PNLIP: variants seen among roughly 807,000 people sequenced by gnomAD.
The protein encoded by PNLIP is pancreatic lipase, also known as pancreatic triacylglycerol lipase.
Under a neutral mutation model 57.1 loss-of-function variants are expected in PNLIP, and 49 were observed. The observed-to-expected ratio is 0.86, with a 90% CI of 0.68 to 1.09. The LOEUF is 1.09. Among genes scored for constraint, PNLIP ranks in the 50% least tolerant of loss-of-function variants. The pLI, the probability that PNLIP is intolerant of heterozygous loss-of-function variation, is 0.00. For synonymous variants in PNLIP, 209 were observed against 200.4 expected (o/e 1.04, Z -0.36); for missense variants, 503 against 570.2 (o/e 0.88, Z 1.20).
In PNLIP at chr10:116,548,383, C is replaced by A; in HGVS notation, c.225C>A (p.Ser75Arg). 6.2e-7 allele frequency: 1 copy of A among 1,613,962 alleles called. No individual in the cohort carries two copies. Among genetic ancestry groups the A allele is most frequent in the Admixed American group, 1.7e-5 (1 of 60,014 alleles). ...AGGAAGTTGCCGCAGATTCATCAAG[C>A]ATCAGTGGCTCCAATTTCAAAACAA... ...NFQEVAADSS[S>R]ISGSNFKTNR... The change falls in exon 4 of 13, where the codon AGC becomes AGA. Residue 75 changes from serine (S) to arginine (R), a missense_variant. Physicochemically the swap from Ser to Arg is moderately radical, Grantham distance 110. Transcript: ENST00000369221.
chr10:116,552,433 G>A (rs984066217), intron 5 of PNLIP, among the ~76,000 whole-genome samples: 2 of 152,054 alleles, frequency 1.3e-5, no homozygotes, highest in Non-Finnish European at 2.9e-5. Context: ...GCTAATGCAG[G>A]TGTTTGTGTC....
chr10:116,558,952 G>A (rs569947069), intron 9 of PNLIP, among the ~76,000 whole-genome samples: 1 of 152,292 alleles, frequency 6.6e-6, no homozygotes, highest in South Asian at 2.1e-4. Context: ...GTATTGTGTT[G>A]TTTGACAGTG....
Position 116,555,289 on chromosome 10 carries a change from C to G in PNLIP, c.683C>G (p.Pro228Arg). Residue 228 changes from proline to arginine, a missense_variant, in exon 7 of 13, where the codon CCC (proline) becomes CGC (arginine). By Grantham distance (103) the Pro-to-Arg change is moderately radical. Transcript: ENST00000369221. The part of the protein sequence containing the change: ...VIHTDGAPIV[P>R]NLGFGMSQVV... Reference sequence around the variant, plus strand: ...CACACGGATGGTGCCCCCATAGTCCCCAATTTGGGTGAGTTCCTCAACCCG... The same window carrying G: ...CACACGGATGGTGCCCCCATAGTCCGCAATTTGGGTGAGTTCCTCAACCCG... The G allele has an allele frequency of 6.2e-7, 1 of 1,614,114 alleles. No homozygotes were observed. The highest frequency in any genetic ancestry group is 8.5e-7 in the Non-Finnish European group (1 of 1,180,022).
chr10:116,565,797 T>A (rs1299111302), intron 12 of PNLIP, among the ~76,000 whole-genome samples: 1 of 151,644 alleles, frequency 6.6e-6, no homozygotes, highest in Admixed American at 6.6e-5. Flanking sequence ...ACAAAAGATT[T>A]GTACATGAAT....
At chr10:116,558,619 A>G (rs2133205447) in intron 9 of PNLIP, among the ~76,000 whole-genome samples, 1 of 151,268 alleles carries the variant, frequency 6.6e-6, no homozygotes, top group African/African-American at 2.4e-5. Context: ...ATATTCTCTC[A>G]TTGTATGATT....
At position 116,559,135 on chromosome 10, in the gene PNLIP, A is replaced by T; in HGVS notation, c.931-19A>T. 1 of 1,601,354 alleles carries T rather than the reference A, an allele frequency of 6.2e-7. No individual in the cohort carries two copies. The highest frequency in any genetic ancestry group is 1.1e-5 in the South Asian group (1 of 87,862). ...AAAAGATAGGGCATCCTCATTCATCATTTGTTTGTTTTCACTAGAACAAGT... is the reference window on the plus strand; with the variant it reads ...AAAAGATAGGGCATCCTCATTCATCTTTTGTTTGTTTTCACTAGAACAAGT... On this transcript the variant is annotated intron_variant, in intron 9 of 12. Transcript: ENST00000369221.
chr10:116,566,506 T>A (rs78247009), intron 12 of PNLIP, among the ~76,000 whole-genome samples: 1,852 of 152,244 alleles, frequency 0.012, 20 homozygotes, highest in Non-Finnish European at 0.019. Flanking sequence ...TTCAGAGGTG[T>A]GTGTGTGTTG....
chr10:116,567,120 TC>T (rs1847375895), intron 12 of PNLIP, among the ~76,000 whole-genome samples: 1 of 33,306 alleles, frequency 3.0e-5, no homozygotes, highest in African/African-American at 8.0e-5. Context: ...CTCCTTTCTT[TC>T]TCTTTCTTTC....
chr10:116,556,090 C>G lies in PNLIP; in HGVS notation c.902C>G (p.Pro301Arg). The G allele has an allele frequency of 1.2e-6, 2 of 1,612,218 alleles. No individual in the cohort carries two copies. Among genetic ancestry groups the G allele is most frequent in the East Asian group, 4.5e-5 (2 of 44,844 alleles). The change falls in exon 9 of 13, where the codon CCC (proline) becomes CGC (arginine). Residue 301 changes from proline to arginine, a missense_variant. Physicochemically the swap from Pro to Arg is moderately radical, Grantham distance 103. Coordinates refer to ENST00000369221, the MANE Select transcript of PNLIP (RefSeq NM_000936.4). ...AACCCTGATGGCTTTGCTGGATTCCCCTGTGCCTCTTACAACGTCTTCACT... is the reference window on the plus strand; with the variant it reads ...AACCCTGATGGCTTTGCTGGATTCCGCTGTGCCTCTTACAACGTCTTCACT... The part of the protein sequence containing the change: ...IVNPDGFAGF[P>R]CASYNVFTAN...
Position 116,548,492 on chromosome 10 carries a change from G to A in PNLIP, c.324+10G>A, listed in dbSNP as rs761471439. ...GGCCAATGTGTGCAAGGTGAGATGT[G>A]GTCATCTCTCAAGGAAAGATCGTTT... On this transcript the variant is annotated intron_variant, in intron 4 of 12. Transcript: ENST00000369221. 20 of 1,611,874 alleles carry A rather than the reference G, an allele frequency of 1.2e-5. No individual in the cohort carries two copies. In the South Asian group the frequency reaches 1.7e-4, roughly 13 times the overall value.
At chr10:116,559,037 A>C in intron 9 of PNLIP, 117 bp from the exon 10 acceptor site, 1 of 1,272,978 alleles carries the variant, frequency 7.9e-7, no homozygotes, top group Non-Finnish European at 1.1e-6. Context: ...TAAAGTCCCC[A>C]TTTATCATCA....
rs1847249384 is a variant in PNLIP at position 116,556,021 on chromosome 10, G to T, written c.833G>T (p.Cys278Phe). Residue 278 changes from cysteine to phenylalanine, a missense_variant, in exon 9 of 13, where the codon TGT (cysteine) becomes TTT (phenylalanine). Coordinates refer to ENST00000369221, the MANE Select transcript of PNLIP (RefSeq NM_000936.4). The stretch of plus-strand genomic sequence containing the variant: ...AAAGGGACTCGAGACTTTGCGGCCT[G>T]TAATCACTTAAGAAGCTACAAATAT... ...IWEGTRDFAA[C>F]NHLRSYKYYT... 6.2e-7 allele frequency: 1 copy of T among 1,612,482 alleles called. No homozygotes were observed. Among genetic ancestry groups the T allele is most frequent in the Admixed American group, 1.7e-5 (1 of 59,948 alleles).
At chr10:116,562,944 C>T (rs930908683) in intron 12 of PNLIP, among the ~76,000 whole-genome samples, 2 of 152,066 alleles carry the variant, frequency 1.3e-5, no homozygotes, top group African/African-American at 4.8e-5. Flanking sequence ...TTATAAAGAT[C>T]CAGAATTATC....
chr10:116,549,612 T>G (rs969555272), intron 4 of PNLIP, among the ~76,000 whole-genome samples: 8 of 152,168 alleles, frequency 5.3e-5, no homozygotes, highest in African/African-American at 1.9e-4. Context: ...ATGAGCACTG[T>G]AGAATCTGTA....
At chr10:116,553,944 TAAAA>T in intron 6 of PNLIP, 106 bp downstream of exon 6, 1 of 402,474 alleles carries the variant, frequency 2.5e-6, no homozygotes, top group South Asian at 5.1e-5. Context: ...CCTATCTCCT[TAAAA>T]AAAAAAAAAA....
intron 12 of PNLIP, among the ~76,000 whole-genome samples, chr10:116,565,848 C>T (rs1847361778): frequency 6.6e-6 from 1 of 152,126 alleles, no homozygotes; most frequent in Non-Finnish European, 1.5e-5. Context: ...CTTGCTCTGT[C>T]ACCCAGGCTA....
At chr10:116,559,679 G>T (rs552794377) in intron 10 of PNLIP, among the ~76,000 whole-genome samples, 1 of 152,154 alleles carries the variant, frequency 6.6e-6, no homozygotes, top group Non-Finnish European at 1.5e-5. Context: ...TTTAAGAGAC[G>T]TTTAGGATTG....
At chr10:116,546,728 C>A (rs1385651092) in intron 2 of PNLIP, among the ~76,000 whole-genome samples, 1 of 152,178 alleles carries the variant, frequency 6.6e-6, no homozygotes, top group Non-Finnish European at 1.5e-5. Flanking sequence ...GATTTATCCT[C>A]CTTAGAGAAG....
chr10:116,547,550 C>T (rs552157482), intron 3 of PNLIP, 102 bp downstream of exon 3: 1 of 892,740 alleles, frequency 1.1e-6, no homozygotes, highest in Non-Finnish European at 1.7e-6. Flanking sequence ...CATGGTGAAA[C>T]CCCATCTCTA....
Sources: allele counts gnomAD v4.1 joint callset (sites outside exome capture counted in the v4.1 genomes callset), GRCh38; gene constraint gnomAD v4.1.1; transcripts MANE v1.5; gene names NCBI Gene and HGNC (gene_info 2026-07-23, HGNC 2026-07-21).